The following BOLA3 variants were observed in gnomAD, a reference collection of about 807,000 sequenced individuals.
BOLA3 encodes the protein bolA-like protein 3.
A neutral mutation model predicts 14.5 loss-of-function variants in BOLA3; 8 were observed. That is an observed-to-expected ratio of 0.55 (90% CI 0.32 to 0.99). The LOEUF (loss-of-function observed/expected upper bound fraction) is 0.99, where lower values mean the gene tolerates loss of function less well. Among genes scored for constraint, BOLA3 ranks in the 50% least tolerant of loss-of-function variants. BOLA3 has a pLI of 0.04. For synonymous variants in BOLA3, 42 were observed against 45.7 expected (o/e 0.92, Z 0.33); for missense variants, 115 against 138.2 (o/e 0.83, Z 0.84).
chr2:74,146,996 A>C (rs934392159), intron 1 of BOLA3: 1 of 152,544 alleles, frequency 6.6e-6, no homozygotes, highest in African/African-American at 2.4e-5. Flanking sequence ...GCCAGGAGTG[A>C]GGGTGGGGTG....
At chr2:74,137,450 TG>T (rs1237964367) in intron 3 of BOLA3, among the ~76,000 whole-genome samples, 3 of 152,240 alleles carry the variant, frequency 2.0e-5, no homozygotes, top group South Asian at 4.1e-4. Flanking sequence ...TTTTGTTACA[TG>T]GGCCAATTAA....
chr2:74,144,967 G>A (rs1692517465), intron 2 of BOLA3, among the ~76,000 whole-genome samples: 1 of 152,176 alleles, frequency 6.6e-6, no homozygotes, highest in Non-Finnish European at 1.5e-5. Flanking sequence ...GCAACCTTGA[G>A]TCCTCCCAGC....
In BOLA3 at chr2:74,142,424, T is replaced by A; in HGVS notation, c.170-64A>T. The A allele has an allele frequency of 5.8e-6, 7 of 1,213,270 alleles. No homozygotes were observed. In the South Asian group the frequency reaches 8.5e-5, roughly 15 times the overall value. The allele number at this position is 1,213,270 out of a possible 1,614,324, so 75.2% of individuals were successfully genotyped here. A position where few individuals can be genotyped will look rare whatever the true frequency, so the allele number is the denominator to read the frequency against. ...GTCATGGCAGCCATGGTCCCATATA[T>A]CCTTGAAGTACTGTACAATCCAAAG... is the stretch of plus-strand genomic sequence containing the variant. On this transcript the variant is annotated intron_variant, in intron 2 of 3. Coordinates refer to ENST00000327428, the MANE Select transcript of BOLA3 (RefSeq NM_212552.3).
intron 3 of BOLA3, among the ~76,000 whole-genome samples, chr2:74,137,586 T>TAA (rs879323609): frequency 1.4e-5 from 2 of 145,472 alleles, no homozygotes; most frequent in African/African-American, 5.0e-5. Context: ...CTTATTTAAT[T>TAA]AAAAAAAAAA....
At chr2:74,144,536 G>T (rs993701438) in intron 2 of BOLA3, among the ~76,000 whole-genome samples, 1 of 151,132 alleles carries the variant, frequency 6.6e-6, no homozygotes, top group Admixed American at 6.6e-5. Flanking sequence ...TGTGTGTGTG[G>T]ATAAAGGGCC....
chr2:74,138,059 C>G (rs372439889), intron 3 of BOLA3, among the ~76,000 whole-genome samples: 1 of 152,334 alleles, frequency 6.6e-6, no homozygotes, highest in African/African-American at 2.4e-5. Context: ...CGCACTCCCC[C>G]TCCCTGATGC....
At position 74,142,024 on chromosome 2, in the gene BOLA3, A is replaced by T. The variant is rs702465; in HGVS notation, c.258+248T>A. On this transcript the variant is annotated intron_variant, in intron 3 of 3. Coordinates refer to ENST00000327428, the MANE Select transcript of BOLA3 (RefSeq NM_212552.3). ...AATATGTGACAATAACAGTAAACAT[A>T]GGTAGCATTATACGAGGACATACAA... Among the ~76,000 whole-genome samples, 94,792 of 152,210 alleles carry T rather than the reference A, an allele frequency of 0.62. 30,867 individuals are homozygous for T. Among genetic ancestry groups the T allele is most frequent in the African/African-American group, 0.82 (34,069 of 41,544 alleles).
At chr2:74,138,919 C>G (rs1053724496) in intron 3 of BOLA3, among the ~76,000 whole-genome samples, 3 of 152,246 alleles carry the variant, frequency 2.0e-5, no homozygotes, top group African/African-American at 7.2e-5. Flanking sequence ...CCGTGGCTAC[C>G]TACCTACTCT....
intron 3 of BOLA3, among the ~76,000 whole-genome samples, chr2:74,141,883 G>C (rs1692443154): frequency 6.6e-6 from 1 of 152,132 alleles, no homozygotes; most frequent in South Asian, 2.1e-4. Context: ...TCTCACTCAT[G>C]CCATGCATCA....
At chr2:74,138,328 G>A (rs1692371611) in intron 3 of BOLA3, among the ~76,000 whole-genome samples, 1 of 152,262 alleles carries the variant, frequency 6.6e-6, no homozygotes, top group Non-Finnish European at 1.5e-5. Flanking sequence ...AGTAATGAAA[G>A]AGAAAGTAGC....
chr2:74,136,090 C>T lies in BOLA3; in HGVS notation c.259-432G>A, dbSNP rs538127016. On this transcript the variant is annotated intron_variant, in intron 3 of 3. Coordinates refer to ENST00000327428, the MANE Select transcript of BOLA3 (RefSeq NM_212552.3). The stretch of plus-strand genomic sequence containing the variant: ...TCAGCCTCCCTAGTAGCTGGGACTA[C>T]AGGCACATGCCACCATGCCTGGCTA... Among the ~76,000 whole-genome samples, 17 of 152,254 alleles carry T rather than the reference C, an allele frequency of 1.1e-4. No homozygotes were observed. The South Asian group carries it at 3.5e-3, about 32-fold the overall frequency.
Position 74,142,283 on chromosome 2 carries a change from T to C in BOLA3, c.247A>G (p.Met83Val). The change falls in exon 3 of 4, where the codon ATG becomes GTG. Residue 83 changes from methionine to valine, a missense_variant. Physicochemically the swap from Met to Val is conservative, Grantham distance 21. Transcript: ENST00000327428. ...KEKRTVQQHQ[M>V]VNQALKEEIK... is the part of the protein sequence containing the mutation. ...TTGCCTCTACTGACCTGATTAACCA[T>C]CTGGTGCTGCTGGACAGTTCTCTTC... The C allele has an allele frequency of 1.2e-6, 2 of 1,613,486 alleles. No individual in the cohort carries two copies. Among genetic ancestry groups the C allele is most frequent in the Non-Finnish European group, 1.7e-6 (2 of 1,179,568 alleles).
Position 74,135,562 on chromosome 2 carries a change from A to T in BOLA3, c.*31T>A. Reference sequence around the variant, plus strand: ...GTCAGTGAAGTTCATCCAAGGTCTTAAGCAGCAGCATCTATGCAGCCAGGG... The same window carrying T: ...GTCAGTGAAGTTCATCCAAGGTCTTTAGCAGCAGCATCTATGCAGCCAGGG... On this transcript the variant is annotated 3_prime_UTR_variant, in exon 4 of 4. Transcript: ENST00000327428. 1 of 1,613,462 alleles carries T rather than the reference A, an allele frequency of 6.2e-7. No homozygotes were observed. The highest frequency in any genetic ancestry group is 8.5e-7 in the Non-Finnish European group (1 of 1,179,580).
At chr2:74,142,477 G>A in intron 2 of BOLA3, 117 bp from the exon 3 acceptor site, 1 of 829,216 alleles carries the variant, frequency 1.2e-6, no homozygotes, top group Non-Finnish European at 2.0e-6. Context: ...CAGCACAAAG[G>A]AAAGTTGCTA....
At position 74,145,170 on chromosome 2, in the gene BOLA3, A is replaced by G; in HGVS notation, c.169+19T>C. On this transcript the variant is annotated intron_variant, in intron 2 of 3. Coordinates refer to ENST00000327428, the MANE Select transcript of BOLA3 (RefSeq NM_212552.3). The stretch of plus-strand genomic sequence containing the variant: ...AAAATCTTATCCAAGCGCCGTAGGA[A>G]GAGTGAGAGAAACCTTACCTGAAAT... The G allele has an allele frequency of 7.4e-7, 1 of 1,352,332 alleles. No individual in the cohort carries two copies. Among genetic ancestry groups the G allele is most frequent in the Non-Finnish European group, 1.1e-6 (1 of 941,712 alleles). 83.8% of individuals were successfully genotyped at this position (1,352,332 alleles called of 1,614,324 possible).
At chr2:74,144,149 G>A (rs1558822762) in intron 2 of BOLA3, among the ~76,000 whole-genome samples, 1 of 150,948 alleles carries the variant, frequency 6.6e-6, no homozygotes, top group Non-Finnish European at 1.5e-5. Flanking sequence ...GGGACTACAG[G>A]CGTGTGCCAC....
At chr2:74,144,196 G>GC (rs1298949373) in intron 2 of BOLA3, among the ~76,000 whole-genome samples, 3 of 145,180 alleles carry the variant, frequency 2.1e-5, no homozygotes, top group East Asian at 4.2e-4. Flanking sequence ...AGTAGAGACG[G>GC]GGGGGTTTCA....
chr2:74,141,156 T>C (rs2103647664), intron 3 of BOLA3, among the ~76,000 whole-genome samples: 1 of 151,984 alleles, frequency 6.6e-6, no homozygotes, highest in East Asian at 1.9e-4. Flanking sequence ...ACTGCAAGAG[T>C]TTCCGGGAGG....
chr2:74,147,737 C>G, intron 1 of BOLA3, 84 bp downstream of exon 1: 1 of 1,433,522 alleles, frequency 7.0e-7, no homozygotes, highest in Non-Finnish European at 9.5e-7. Flanking sequence ...GGAGCCAGTC[C>G]TCAAGCCCCG....
Sources: gnomAD v4.1 joint callset for allele counts (sites outside exome capture counted in the v4.1 genomes callset) on GRCh38, gnomAD v4.1.1 for gene constraint, MANE v1.5 for transcripts, NCBI Gene and HGNC (gene_info 2026-07-23, HGNC 2026-07-21) for gene names.